The following RASGEF1B variants were observed in gnomAD, a reference collection of about 807,000 sequenced individuals.
RASGEF1B encodes the protein RasGEF domain family member 1B.
Under a neutral mutation model 65.7 loss-of-function variants are expected in RASGEF1B, and 30 were observed. That is an observed-to-expected ratio of 0.46 (90% CI 0.34 to 0.62). The LOEUF (loss-of-function observed/expected upper bound fraction) is 0.62. Among genes scored for constraint, RASGEF1B ranks in the 20% least tolerant of loss-of-function variants. RASGEF1B has a pLI of 0.01. For synonymous variants in RASGEF1B, 175 were observed against 194.8 expected (o/e 0.90, Z 0.85); for missense variants, 495 against 580.1 (o/e 0.85, Z 1.51).
chr4:81,468,799 G>C (rs967221693), intron 1 of RASGEF1B, among the ~76,000 whole-genome samples: 4 of 152,138 alleles, frequency 2.6e-5, no homozygotes, highest in African/African-American at 9.7e-5. Flanking sequence ...GGGTGTAAAT[G>C]CATGAAGCGA....
Position 81,447,570 on chromosome 4 carries a change from G to A in RASGEF1B, c.663C>T (p.Leu221=), listed in dbSNP as rs142332080. The change falls in exon 6 of 14, where the codon CTC becomes CTT. Residue 221 remains leucine, a synonymous_variant. Transcript: ENST00000264400. ...QQLTHIELER[L]NYIGPEEFVQ... is the part of the protein sequence containing the mutation. ...CAAATTCTTCTGGCCCAATATAATTGAGCCTCTCCTGAAACACAAACCCAG... is the reference window on the plus strand; with the variant it reads ...CAAATTCTTCTGGCCCAATATAATTAAGCCTCTCCTGAAACACAAACCCAG... 1.1e-5 allele frequency: 18 copies of A among 1,613,564 alleles called. No homozygotes were observed. In the Admixed American group the frequency reaches 1.5e-4, roughly 13 times the overall value.
At chr4:81,459,300 A>T (rs370606682) in intron 2 of RASGEF1B, 32 bp downstream of exon 2, 25 of 1,505,742 alleles carry the variant, frequency 1.7e-5, no homozygotes, top group Non-Finnish European at 4.5e-6. Flanking sequence ...CTCATTGCCA[A>T]GGATGTGTTT....
At chr4:81,459,661 C>A in intron 1 of RASGEF1B, 147 bp from the exon 2 acceptor site, 1 of 616,888 alleles carries the variant, frequency 1.6e-6, no homozygotes, top group South Asian at 2.6e-5. Flanking sequence ...GAATCAGAGC[C>A]CATCAGGAAC....
intron 2 of RASGEF1B, among the ~76,000 whole-genome samples, chr4:81,458,283 TTCAGAC>T (rs2109991277): frequency 6.6e-6 from 1 of 152,350 alleles, no homozygotes; most frequent in South Asian, 2.1e-4. Flanking sequence ...TTATAATAAT[TTCAGAC>T]TCCCAATGAA....
intron 1 of RASGEF1B, among the ~76,000 whole-genome samples, chr4:81,463,145 T>G (rs1722703500): frequency 6.6e-6 from 1 of 152,204 alleles, no homozygotes. Context: ...TTAGAATAAT[T>G]CATACATTTT....
intron 9 of RASGEF1B, 50 bp from the exon 10 acceptor site, chr4:81,440,979 C>T (rs1199128823): frequency 1.6e-6 from 2 of 1,260,354 alleles, no homozygotes; most frequent in Non-Finnish European, 2.3e-6. Flanking sequence ...TTGTAAACTT[C>T]TGTAGGAAGT....
At position 81,445,922 on chromosome 4, in the gene RASGEF1B, G is replaced by A. The variant is rs1342522622; in HGVS notation, c.730-84C>T. ...TCATTTTGTGAAATACGAGCCTTTA[G>A]TCTCAGTTTATGGATTAGGAAAGCT... On this transcript the variant is annotated intron_variant, in intron 6 of 13. Coordinates refer to ENST00000264400, the MANE Select transcript of RASGEF1B (RefSeq NM_152545.3). 72 of 973,600 alleles carry A rather than the reference G, an allele frequency of 7.4e-5. 1 individual carries two copies. The South Asian group carries it at 1.0e-3, about 14-fold the overall frequency. 60.3% of individuals were successfully genotyped at this position (973,600 alleles called of 1,614,324 possible).
intron 10 of RASGEF1B, among the ~76,000 whole-genome samples, chr4:81,435,373 TGC>T (rs1721580114): frequency 1.6e-5 from 2 of 126,550 alleles, no homozygotes; most frequent in Admixed American, 1.7e-4. Flanking sequence ...ATTGCGCCAC[TGC>T]AGTCCGCAGT....
intron 8 of RASGEF1B, among the ~76,000 whole-genome samples, chr4:81,444,666 G>A (rs1721957223): frequency 6.6e-6 from 1 of 152,068 alleles, no homozygotes; most frequent in Non-Finnish European, 1.5e-5. Flanking sequence ...CCTCCTGAGT[G>A]GCTGGGATTA....
At chr4:81,438,593 G>A (rs1057067469) in intron 10 of RASGEF1B, among the ~76,000 whole-genome samples, 5 of 152,196 alleles carry the variant, frequency 3.3e-5, no homozygotes, top group African/African-American at 1.2e-4. Flanking sequence ...TGGGATACGT[G>A]TGCACAACGT....
chr4:81,459,275 GTAC>G, intron 2 of RASGEF1B, 54 bp downstream of exon 2: 1 of 1,334,158 alleles, frequency 7.5e-7, no homozygotes. Flanking sequence ...CCTGCCTACT[GTAC>G]TGCAATTTCT....
At position 81,459,484 on chromosome 4, in the gene RASGEF1B, C is replaced by T; in HGVS notation, c.25G>A (p.Ala9Thr). 1 of 1,601,444 alleles carries T rather than the reference C, an allele frequency of 6.2e-7. No homozygotes were observed. Among genetic ancestry groups the T allele is most frequent in the South Asian group, 1.1e-5 (1 of 88,298 alleles). Residue 9 changes from alanine (A) to threonine (T), a missense_variant, in exon 2 of 14, where the codon GCA becomes ACA. By Grantham distance (58) the Ala-to-Thr change is moderately conservative. Transcript: ENST00000264400. ...TTGTAACCACTGCTGTCAAACATTG[C>T]TGAAAAGGGAGGAGTCTGAGGCATA... Reference protein sequence around the residue: MPQTPPFSAMFDSSGYNRN... With the variant: MPQTPPFSTMFDSSGYNRN...
intron 10 of RASGEF1B, among the ~76,000 whole-genome samples, chr4:81,437,469 A>G (rs1349299062): frequency 1.3e-5 from 2 of 152,206 alleles, no homozygotes. Context: ...ATATTTGTAT[A>G]TTGTAGCAGC....
chr4:81,471,174 G>T (rs1011295081), intron 1 of RASGEF1B: 2 of 152,174 alleles, frequency 1.3e-5, no homozygotes, highest in African/African-American at 4.8e-5. Context: ...TGTGACTTCT[G>T]TTCCCTTGTC....
intron 13 of RASGEF1B, among the ~76,000 whole-genome samples, chr4:81,431,016 A>G (rs1721411994): frequency 6.6e-6 from 1 of 152,128 alleles, no homozygotes; most frequent in Non-Finnish European, 1.5e-5. Flanking sequence ...TTAAAAATAC[A>G]GAAAGGAGGG....
Position 81,427,672 on chromosome 4 carries a change from A to G in RASGEF1B, c.*96T>C, listed in dbSNP as rs1721273278. 2 of 1,451,488 alleles carry G rather than the reference A, an allele frequency of 1.4e-6. No homozygotes were observed. The highest frequency in any genetic ancestry group is 1.2e-5 in the South Asian group (1 of 84,764). 89.9% of individuals were successfully genotyped at this position (1,451,488 alleles called of 1,614,324 possible). A position where few individuals can be genotyped will look rare whatever the true frequency, so the allele number is the denominator to read the frequency against. On this transcript the variant is annotated 3_prime_UTR_variant, in exon 14 of 14. Coordinates refer to ENST00000264400, the MANE Select transcript of RASGEF1B (RefSeq NM_152545.3). ...GTGCTCCAATGACTGCAGGGTCTTCATGAGTGTTCGTGGTACGAGATGCCA... is the reference window on the plus strand; with the variant it reads ...GTGCTCCAATGACTGCAGGGTCTTCGTGAGTGTTCGTGGTACGAGATGCCA...
intron 1 of RASGEF1B, among the ~76,000 whole-genome samples, chr4:81,461,257 C>T (rs889738617): frequency 7.1e-6 from 1 of 141,246 alleles, no homozygotes; most frequent in Admixed American, 7.2e-5. Context: ...TCATAGTGCC[C>T]TCAAACGAGG....
intron 4 of RASGEF1B, 69 bp from the exon 5 acceptor site, chr4:81,448,353 A>T (rs1722120306): frequency 2.8e-5 from 36 of 1,305,350 alleles, no homozygotes; most frequent in Non-Finnish European, 4.0e-5. Context: ...AAACTCAGAG[A>T]CTGTGTCCTC....
At chr4:81,460,493 G>A (rs1722604886) in intron 1 of RASGEF1B, among the ~76,000 whole-genome samples, 1 of 152,194 alleles carries the variant, frequency 6.6e-6, no homozygotes, top group Non-Finnish European at 1.5e-5. Context: ...GGGACAGGGT[G>A]TGTGGAGGCA....
Sources: gnomAD v4.1 joint callset for allele counts (sites outside exome capture counted in the v4.1 genomes callset) on GRCh38, gnomAD v4.1.1 for gene constraint, MANE v1.5 for transcripts, NCBI Gene and HGNC (gene_info 2026-07-23, HGNC 2026-07-21) for gene names.